SLC29A4: variants seen among roughly 807,000 people sequenced by gnomAD.
SLC29A4 encodes the protein equilibrative nucleoside transporter 4.
In SLC29A4, 36 loss-of-function variants were observed where a neutral mutation model predicts 43.9. The observed-to-expected ratio is 0.82, with a 90% confidence interval of 0.63 to 1.08. SLC29A4 has a LOEUF of 1.08. SLC29A4 is among the 50% of genes least tolerant of loss of function. SLC29A4 has a pLI of 0.00. For synonymous variants in SLC29A4, 491 were observed against 338.0 expected, an observed-to-expected ratio of 1.45 and a Z score of -4.97; for missense variants, 869 against 755.3, an observed-to-expected ratio of 1.15 and a Z score of -1.77.
intron 2 of SLC29A4, among the ~76,000 whole-genome samples, chr7:5,288,727 G>A (rs1382416654): frequency 2.0e-5 from 3 of 152,152 alleles, no homozygotes; most frequent in African/African-American, 7.2e-5. Flanking sequence ...CAAAGACCTG[G>A]GTTTTCAGCC....
At chr7:5,296,736 C>T (rs947749648) in intron 6 of SLC29A4, among the ~76,000 whole-genome samples, 200 bp from the exon 7 acceptor site, 1 of 127,208 alleles carries the variant, frequency 7.9e-6, no homozygotes, top group Non-Finnish European at 1.7e-5. Flanking sequence ...TGGCAGTGGG[C>T]GGGGCCGGCG....
Position 5,299,220 on chromosome 7 carries a change from C to T in SLC29A4, c.1022-20C>T. ...GGTCCCCGTGGGCGCTGCCTCTGACCCCCGCCCGCCACCCTCCAGCCCTGT... is the reference window on the plus strand; with the variant it reads ...GGTCCCCGTGGGCGCTGCCTCTGACTCCCGCCCGCCACCCTCCAGCCCTGT... On this transcript the variant is annotated intron_variant, in intron 8 of 10. Transcript: ENST00000396872. 1 of 1,604,170 alleles carries T rather than the reference C, an allele frequency of 6.2e-7. No homozygotes were observed. Among genetic ancestry groups the T allele is most frequent in the Non-Finnish European group, 8.5e-7 (1 of 1,174,278 alleles).
Position 5,305,444 on chromosome 7 carries a change from C to T in SLC29A4, c.*2505C>T, listed in dbSNP as rs1786433074. ...CCTATAGCTTCCCTAGGCCCCAGTG[C>T]AGAGATGCCGTCCACCCCCATCTAG... On this transcript the variant is annotated 3_prime_UTR_variant, in exon 11 of 11. Transcript: ENST00000396872. 6.6e-6 allele frequency: 1 copy of T among 152,288 alleles called. No individual in the cohort carries two copies. The highest frequency in any genetic ancestry group is 1.5e-5 in the Non-Finnish European group (1 of 68,102). The allele number at this position is 152,288 out of a possible 1,614,324, so 9.4% of individuals were successfully genotyped here.
At chr7:5,291,332 C>G in intron 4 of SLC29A4, 95 bp downstream of exon 4, 1 of 1,208,038 alleles carries the variant, frequency 8.3e-7, no homozygotes. Flanking sequence ...CCTCACTCCC[C>G]TCGTCTGTAA....
In SLC29A4 at chr7:5,303,069, C is replaced by A. The variant is rs1786285469; in HGVS notation, c.*130C>A. The A allele has an allele frequency of 8.9e-7, 1 of 1,122,712 alleles. No individual in the cohort carries two copies. The allele number at this position is 1,122,712 out of a possible 1,614,324, so 69.5% of individuals were successfully genotyped here. ...TCCCCCTGTGCCAGCAGCCCCACTC[C>A]CTCAGGGTCCAGCCATGCCCCACCC... On this transcript the variant is annotated 3_prime_UTR_variant, in exon 11 of 11. Transcript: ENST00000396872.
Position 5,290,788 on chromosome 7 carries a change from C to T in SLC29A4, c.226C>T (p.Leu76=). 1 of 1,614,086 alleles carries T rather than the reference C, an allele frequency of 6.2e-7. No individual in the cohort carries two copies. The highest frequency in any genetic ancestry group is 1.7e-4 in the Middle Eastern group (1 of 6,058). ...RYHAIYFAML[L]AGVGFLLPYN... ...TCACGCCATCTACTTTGCGATGCTG[C>T]TGGCTGGCGTGGGCTTCCTGCTGCC... Residue 76 remains leucine, a synonymous_variant, in exon 3 of 11, where the codon CTG becomes TTG. Transcript: ENST00000396872.
intron 2 of SLC29A4, 68 bp from the exon 3 acceptor site, chr7:5,290,664 T>TCGC: frequency 6.5e-7 from 1 of 1,548,038 alleles, no homozygotes; most frequent in South Asian, 1.2e-5. Flanking sequence ...GTGGTGGACA[T>TCGC]CGCCCTGTGC....
intron 6 of SLC29A4, among the ~76,000 whole-genome samples, chr7:5,295,573 G>T (rs986837632): frequency 6.6e-6 from 1 of 152,374 alleles, no homozygotes; most frequent in South Asian, 2.1e-4. Flanking sequence ...CCGGCACTGT[G>T]TGCGTGGAAG....
At chr7:5,302,382 A>C (rs1444983003) in intron 10 of SLC29A4, among the ~76,000 whole-genome samples, 6 of 152,138 alleles carry the variant, frequency 3.9e-5, no homozygotes, top group Admixed American at 2.0e-4. Context: ...TCTACAAAAA[A>C]ATTTTTTTAG....
intron 3 of SLC29A4, 58 bp downstream of exon 3, chr7:5,290,921 C>G (rs1785264083): frequency 3.8e-6 from 6 of 1,566,922 alleles, no homozygotes; most frequent in Non-Finnish European, 4.3e-6. Flanking sequence ...GGCCTGGGGC[C>G]TCCCAGAAAC....
At chr7:5,289,897 AT>A (rs1562443345) in intron 2 of SLC29A4, among the ~76,000 whole-genome samples, 1 of 151,740 alleles carries the variant, frequency 6.6e-6, no homozygotes, top group Non-Finnish European at 1.5e-5. Context: ...TTTATTTTTT[AT>A]TTTTTTGAAA....
intron 7 of SLC29A4, among the ~76,000 whole-genome samples, chr7:5,298,627 A>T (rs1323503944): frequency 6.6e-6 from 1 of 152,166 alleles, no homozygotes; most frequent in African/African-American, 2.4e-5. Flanking sequence ...CCCTGTGTCT[A>T]CAAAAAAGAA....
chr7:5,303,107 C>A lies in SLC29A4; in HGVS notation c.*168C>A. 2.6e-6 allele frequency: 2 copies of A among 783,988 alleles called. No individual in the cohort carries two copies. The highest frequency in any genetic ancestry group is 1.8e-5 in the South Asian group (1 of 55,412). The allele number at this position is 783,988 out of a possible 1,614,324, so 48.6% of individuals were successfully genotyped here. A position where few individuals can be genotyped will look rare whatever the true frequency, so the allele number is the denominator to read the frequency against. Reference sequence around the variant, plus strand: ...CCATGCCCCACCCTGGACTGAAGTTCTGCAAAGTCCTCCGAGGACCGGAAC... The same window carrying A: ...CCATGCCCCACCCTGGACTGAAGTTATGCAAAGTCCTCCGAGGACCGGAAC... On this transcript the variant is annotated 3_prime_UTR_variant, in exon 11 of 11. Transcript: ENST00000396872.
chr7:5,288,767 A>G (rs916445640), intron 2 of SLC29A4, among the ~76,000 whole-genome samples: 5 of 152,042 alleles, frequency 3.3e-5, no homozygotes, highest in African/African-American at 1.2e-4. Context: ...AAGGGCCTAA[A>G]CCTCTCTGAG....
Position 5,297,202 on chromosome 7 carries a change from A to C in SLC29A4, c.882+4A>C. 1 of 1,578,962 alleles carries C rather than the reference A, an allele frequency of 6.3e-7. No homozygotes were observed. Among genetic ancestry groups the C allele is most frequent in the Non-Finnish European group, 8.6e-7 (1 of 1,167,678 alleles). On this transcript the variant is annotated splice_donor_region_variant and intron_variant, in intron 7 of 10. Coordinates refer to ENST00000396872, the MANE Select transcript of SLC29A4 (RefSeq NM_153247.4). ...TGTCGCCGGGGACGTCCACTTCGTA[A>C]GTGCGCACCGCCCACCTCTGTTCCC...
At chr7:5,285,572 G>A (rs372767702) in intron 1 of SLC29A4, among the ~76,000 whole-genome samples, 1 of 152,214 alleles carries the variant, frequency 6.6e-6, no homozygotes, top group African/African-American at 2.4e-5. Flanking sequence ...AGGGGGACAT[G>A]GGGTCACAGG....
chr7:5,284,025 C>G (rs1378804329), intron 1 of SLC29A4, among the ~76,000 whole-genome samples: 1 of 129,904 alleles, frequency 7.7e-6, no homozygotes, highest in African/African-American at 3.1e-5. Flanking sequence ...CCAGTCTGAG[C>G]TGCACGACCC....
intron 2 of SLC29A4, among the ~76,000 whole-genome samples, chr7:5,288,489 A>G (rs1308347622): frequency 1.3e-5 from 2 of 151,506 alleles, no homozygotes; most frequent in African/African-American, 2.4e-5. Context: ...TATTTTTAGT[A>G]GAGACGGGGT....
At chr7:5,295,605 A>G (rs984182596) in intron 6 of SLC29A4, among the ~76,000 whole-genome samples, 24 of 152,156 alleles carry the variant, frequency 1.6e-4, no homozygotes, top group Admixed American at 1.4e-3. Context: ...CAGGGTTCCC[A>G]ATCTTCCTTC....
Sources: allele counts gnomAD v4.1 joint callset (sites outside exome capture counted in the v4.1 genomes callset), GRCh38; gene constraint gnomAD v4.1.1; transcripts MANE v1.5; gene names NCBI Gene and HGNC (gene_info 2026-07-23, HGNC 2026-07-21).